SGCD: variants seen among roughly 807,000 people sequenced by gnomAD.
SGCD encodes sarcoglycan delta.
A neutral mutation model predicts 36.6 loss-of-function variants in SGCD; 18 were observed. The ratio of observed to expected loss-of-function variants is 0.49; its 90% CI spans 0.34 to 0.73. The LOEUF (loss-of-function observed/expected upper bound fraction) is 0.73, where lower values mean the gene tolerates loss of function less well. SGCD is among the 30% of genes least tolerant of loss of function. The pLI is 0.01. For missense variants in SGCD, 387 were observed against 346.7 expected (o/e 1.12, Z -0.92); for synonymous variants, 133 against 130.6 (o/e 1.02, Z -0.12).
At position 156,047,956 on chromosome 5, in the gene SGCD, A is replaced by G. The variant is rs553602892; in HGVS notation, c.-281-69922A>G. ...CATTTAGCATTAGGTATATCTCCTA[A>G]TGCTATCCTTCCCCCATCCCCTCAC... On this transcript the variant is annotated intron_variant, in intron 1 of 9. Transcript: ENST00000517913. Among the ~76,000 whole-genome samples, 60 of 152,178 alleles carry G rather than the reference A, an allele frequency of 3.9e-4. 2 individuals are homozygous for G. In the South Asian group the frequency reaches 0.012, roughly 31 times the overall value.
chr5:155,822,207 A>G, the SGCD span, among the ~76,000 whole-genome samples: 9 of 152,226 alleles, frequency 5.9e-5, no homozygotes, highest in African/African-American at 2.2e-4. Flanking sequence ...GACATGAAAC[A>G]CATATTATCA....
intron 1 of SGCD, among the ~76,000 whole-genome samples, chr5:156,069,566 C>T (rs1760468022): frequency 6.6e-6 from 1 of 152,026 alleles, no homozygotes; most frequent in Non-Finnish European, 1.5e-5. Context: ...GTGATGCCTC[C>T]AGCTTTGTTC....
At chr5:155,917,856 T>G (rs1253895528) in intron 1 of SGCD, among the ~76,000 whole-genome samples, 1 of 152,126 alleles carries the variant, frequency 6.6e-6, no homozygotes, top group East Asian at 1.9e-4. Flanking sequence ...TGTGACCAAG[T>G]GATAAGAAAT....
At chr5:155,887,932 T>C (rs776598778) in intron 1 of SGCD, among the ~76,000 whole-genome samples, 21 of 152,334 alleles carry the variant, frequency 1.4e-4, no homozygotes, top group South Asian at 8.3e-4. Context: ...CCTCTCTTGA[T>C]AACACTATTT....
chr5:156,020,724 CCAT>C (rs1759078807), intron 1 of SGCD, among the ~76,000 whole-genome samples: 1 of 152,178 alleles, frequency 6.6e-6, no homozygotes, highest in African/African-American at 2.4e-5. Flanking sequence ...ATTATTATTA[CCAT>C]CATCATCGCT....
chr5:155,844,575 G>A, the SGCD span, among the ~76,000 whole-genome samples: 3 of 152,086 alleles, frequency 2.0e-5, no homozygotes, highest in Admixed American at 6.6e-5. Context: ...AGATTAGATC[G>A]TAAATAAAAG....
intron 3 of SGCD, among the ~76,000 whole-genome samples, chr5:156,259,154 T>TTTA (rs1561588251): frequency 8.4e-6 from 1 of 118,394 alleles, no homozygotes; most frequent in Non-Finnish European, 1.9e-5. Context: ...TTATTTATTT[T>TTTA]AACCATCCTT....
At position 156,041,826 on chromosome 5, in the gene SGCD, T is replaced by G. The variant is rs138933922; in HGVS notation, c.-281-76052T>G. 2.3e-3 allele frequency among the ~76,000 whole-genome samples: 353 copies of G among 152,274 alleles called. 3 individuals are homozygous for G. The highest frequency in any genetic ancestry group is 8.3e-3 in the African/African-American group (345 of 41,562). ...TACTGTGAAGAGGTTCCAGAAAGAA[T>G]AGTAACTTCTGATTGTGGATTACAC... On this transcript the variant is annotated intron_variant, in intron 1 of 9. Transcript: ENST00000517913.
intron 3 of SGCD, among the ~76,000 whole-genome samples, chr5:156,310,438 A>G (rs2135037): frequency 0.72 from 109,506 of 151,986 alleles, 39,748 homozygotes; most frequent in East Asian, 0.92. Flanking sequence ...CCTGAAAGCT[A>G]TGTGCAAGCT....
At chr5:155,731,644 A>G in the SGCD span, among the ~76,000 whole-genome samples, 4 of 152,232 alleles carry the variant, frequency 2.6e-5, no homozygotes, top group African/African-American at 4.8e-5. Context: ...GTTTGTTTGT[A>G]GTTTTCTGGG....
intron 3 of SGCD, among the ~76,000 whole-genome samples, chr5:156,412,516 T>A (rs543560801): frequency 7.2e-5 from 11 of 152,242 alleles, no homozygotes; most frequent in African/African-American, 2.6e-4. Flanking sequence ...CTGGATTAGG[T>A]TTTGGGTTTG....
the SGCD span, among the ~76,000 whole-genome samples, chr5:155,775,563 A>G: frequency 6.6e-6 from 1 of 152,058 alleles, no homozygotes; most frequent in East Asian, 1.9e-4. Context: ...ATGAATTATA[A>G]TTATTGCTTT....
At chr5:156,303,509 C>T (rs1051073606) in intron 3 of SGCD, among the ~76,000 whole-genome samples, 3 of 151,902 alleles carry the variant, frequency 2.0e-5, no homozygotes, top group Non-Finnish European at 4.4e-5. Context: ...AAGACAAAGT[C>T]TCCTTTACTC....
intron 1 of SGCD, among the ~76,000 whole-genome samples, chr5:156,098,883 C>T (rs1439162657): frequency 6.6e-6 from 1 of 152,210 alleles, no homozygotes; most frequent in African/African-American, 2.4e-5. Context: ...TATCTCTTGG[C>T]AGGAAAGAGA....
At chr5:156,011,646 G>A (rs1036891794) in intron 1 of SGCD, among the ~76,000 whole-genome samples, 4 of 152,094 alleles carry the variant, frequency 2.6e-5, no homozygotes, top group Non-Finnish European at 5.9e-5. Flanking sequence ...CACCATCTTG[G>A]CCAGGGTGGT....
intron 3 of SGCD, among the ~76,000 whole-genome samples, chr5:156,239,399 C>CAAA (rs34839655): frequency 0.015 from 1,089 of 72,270 alleles, 45 homozygotes; most frequent in African/African-American, 0.027. Flanking sequence ...GATTTCATCT[C>CAAA]AAAAAAAAAA....
the SGCD span, among the ~76,000 whole-genome samples, chr5:155,822,434 C>T: frequency 6.6e-6 from 1 of 152,136 alleles, no homozygotes; most frequent in Non-Finnish European, 1.5e-5. Flanking sequence ...CTGAAAATAC[C>T]TTTGAAATGT....
intron 7 of SGCD, among the ~76,000 whole-genome samples, chr5:156,747,884 C>T (rs150404227): frequency 1.3e-5 from 2 of 152,094 alleles, no homozygotes; most frequent in Non-Finnish European, 1.5e-5. Flanking sequence ...TCATTCCACT[C>T]GAAGCTGCCT....
At chr5:156,059,066 A>T (rs1208645294) in intron 1 of SGCD, among the ~76,000 whole-genome samples, 1 of 145,606 alleles carries the variant, frequency 6.9e-6, no homozygotes, top group Non-Finnish European at 1.5e-5. Flanking sequence ...GTGCTTCCTC[A>T]TAATTTTCAA....
Sources: allele counts gnomAD v4.1 joint callset (sites outside exome capture counted in the v4.1 genomes callset), GRCh38; gene constraint gnomAD v4.1.1; transcripts MANE v1.5; gene names NCBI Gene and HGNC (gene_info 2026-07-23, HGNC 2026-07-21).